The following CDH12 variants were observed in gnomAD, a reference collection of about 807,000 sequenced individuals.
CDH12 encodes cadherin-12.
In CDH12, 41 loss-of-function variants were observed where a neutral mutation model predicts 74.1. The observed-to-expected ratio is 0.55, with a 90% CI of 0.43 to 0.72. The LOEUF (loss-of-function observed/expected upper bound fraction) is 0.72. Among genes scored for constraint, CDH12 ranks in the 30% least tolerant of loss-of-function variants. The probability of loss-of-function intolerance (pLI) is 0.00; values close to 1 mark genes in which losing one functional copy is unlikely to be tolerated. For missense variants in CDH12, 945 were observed against 977.2 expected, an observed-to-expected ratio of 0.97 and a Z score of 0.44; for synonymous variants, 399 against 355.0, an observed-to-expected ratio of 1.12 and a Z score of -1.39.
intron 1 of CDH12, among the ~76,000 whole-genome samples, chr5:22,696,261 C>T (rs1037073801): frequency 6.7e-6 from 1 of 150,200 alleles, no homozygotes; most frequent in Non-Finnish European, 1.5e-5. Flanking sequence ...GTCCCAGCTA[C>T]TCAGGAGGCT....
chr5:22,576,669 T>C (rs1382898519), intron 1 of CDH12, among the ~76,000 whole-genome samples: 1 of 151,964 alleles, frequency 6.6e-6, no homozygotes, highest in Non-Finnish European at 1.5e-5. Flanking sequence ...GGTATGCTAC[T>C]GGGGAGGGCA....
At chr5:22,771,736 C>A (rs768892831) in intron 1 of CDH12, among the ~76,000 whole-genome samples, 1 of 152,116 alleles carries the variant, frequency 6.6e-6, no homozygotes, top group Non-Finnish European at 1.5e-5. Context: ...TAGCCCCTTA[C>A]AAAATATGTC....
intron 1 of CDH12, among the ~76,000 whole-genome samples, chr5:22,820,003 A>G (rs1234655353): frequency 6.8e-6 from 1 of 147,520 alleles, no homozygotes; most frequent in Non-Finnish European, 1.5e-5. Flanking sequence ...ACATATATAT[A>G]CATATACATA....
At chr5:22,545,527 A>C (rs1264526057) in intron 1 of CDH12, among the ~76,000 whole-genome samples, 1 of 152,184 alleles carries the variant, frequency 6.6e-6, no homozygotes, top group African/African-American at 2.4e-5. Flanking sequence ...GGTCATAACA[A>C]ATTCTATACT....
intron 3 of CDH12, among the ~76,000 whole-genome samples, chr5:22,348,564 C>T (rs942218140): frequency 6.6e-6 from 1 of 152,138 alleles, no homozygotes; most frequent in Non-Finnish European, 1.5e-5. Flanking sequence ...TACATGGACA[C>T]ACACATATAT....
At chr5:22,657,881 T>C (rs1207097519) in intron 1 of CDH12, among the ~76,000 whole-genome samples, 1 of 152,164 alleles carries the variant, frequency 6.6e-6, no homozygotes, top group Non-Finnish European at 1.5e-5. Flanking sequence ...TAAAGTACAA[T>C]AACATTTCTA....
chr5:22,674,181 C>G (rs921720323), intron 1 of CDH12, among the ~76,000 whole-genome samples: 56 of 152,184 alleles, frequency 3.7e-4, no homozygotes, highest in Admixed American at 3.6e-3. Flanking sequence ...TATGGTTTGG[C>G]TATGCCTCCA....
intron 1 of CDH12, among the ~76,000 whole-genome samples, chr5:22,545,497 T>C (rs1424494358): frequency 6.6e-6 from 1 of 152,132 alleles, no homozygotes; most frequent in Non-Finnish European, 1.5e-5. Flanking sequence ...CAGGATACAC[T>C]TGGGGAACAA....
At chr5:22,130,765 C>T (rs549931129) in intron 4 of CDH12, among the ~76,000 whole-genome samples, 106 of 152,182 alleles carry the variant, frequency 7.0e-4, no homozygotes, top group African/African-American at 2.3e-3. Flanking sequence ...TTAAATTAGA[C>T]AGTATGATGC....
intron 4 of CDH12, among the ~76,000 whole-genome samples, chr5:22,101,744 A>T (rs1433135042): frequency 6.6e-6 from 1 of 152,234 alleles, no homozygotes; most frequent in Non-Finnish European, 1.5e-5. Flanking sequence ...TTTCCAAGGA[A>T]ATGTGATACA....
intron 1 of CDH12, among the ~76,000 whole-genome samples, chr5:22,556,512 C>T (rs189582229): frequency 6.9e-4 from 105 of 152,192 alleles, no homozygotes; most frequent in African/African-American, 2.5e-3. Flanking sequence ...TCCTTCAGTC[C>T]AGCCTTTCTA....
At chr5:21,781,969 A>T (rs1204590379) in intron 11 of CDH12, among the ~76,000 whole-genome samples, 1 of 152,310 alleles carries the variant, frequency 6.6e-6, no homozygotes, top group East Asian at 1.9e-4. Flanking sequence ...TGTGACAAAT[A>T]ATTTTTCATA....
At chr5:22,202,810 T>G (rs1374664309) in intron 4 of CDH12, among the ~76,000 whole-genome samples, 1 of 152,174 alleles carries the variant, frequency 6.6e-6, no homozygotes, top group East Asian at 1.9e-4. Context: ...CATTCAACTT[T>G]ATTTGGTTCA....
At chr5:22,254,070 T>A (rs1005102440) in intron 3 of CDH12, among the ~76,000 whole-genome samples, 1 of 151,816 alleles carries the variant, frequency 6.6e-6, no homozygotes, top group African/African-American at 2.4e-5. Flanking sequence ...AGTTCTCTTT[T>A]CAAGAGAGTC....
intron 1 of CDH12, among the ~76,000 whole-genome samples, chr5:22,641,713 A>G (rs1739161703): frequency 6.6e-6 from 1 of 152,170 alleles, no homozygotes; most frequent in African/African-American, 2.4e-5. Context: ...TTACTTGGCC[A>G]ACTCTTTCTT....
At chr5:22,090,818 GAAACA>G (rs1356413255) in intron 4 of CDH12, among the ~76,000 whole-genome samples, 5 of 151,880 alleles carry the variant, frequency 3.3e-5, no homozygotes, top group African/African-American at 1.2e-4. Context: ...GAATAAAGAA[GAAACA>G]AAACAAACAG....
At chr5:22,836,539 C>CT in intron 1 of CDH12, among the ~76,000 whole-genome samples, 1 of 151,936 alleles carries the variant, frequency 6.6e-6, no homozygotes, top group South Asian at 2.1e-4. Flanking sequence ...AGTCCTGATG[C>CT]TTTTTAAGGG....
At chr5:22,544,055 A>G (rs924219877) in intron 1 of CDH12, among the ~76,000 whole-genome samples, 6 of 152,122 alleles carry the variant, frequency 3.9e-5, no homozygotes, top group Non-Finnish European at 8.8e-5. Context: ...GCCAATACCA[A>G]TGGAACAAAA....
At chr5:22,103,786 T>G (rs959922300) in intron 4 of CDH12, among the ~76,000 whole-genome samples, 66 of 152,234 alleles carry the variant, frequency 4.3e-4, no homozygotes, top group African/African-American at 1.5e-3. Context: ...TGTTTTCCAT[T>G]TATTTCATTT....
Sources: gnomAD v4.1 joint callset for allele counts (sites outside exome capture counted in the v4.1 genomes callset) on GRCh38, gnomAD v4.1.1 for gene constraint, MANE v1.5 for transcripts, NCBI Gene and HGNC (gene_info 2026-07-23, HGNC 2026-07-21) for gene names.